RB1: variants seen among roughly 807,000 people sequenced by gnomAD.
RB1 encodes the protein retinoblastoma-associated protein.
In RB1, 18 loss-of-function variants were observed where a neutral mutation model predicts 135.4. The ratio of observed to expected loss-of-function variants is 0.13; its 90% CI spans 0.09 to 0.20. RB1 has a LOEUF of 0.20. Among genes scored for constraint, RB1 ranks in the 10% least tolerant of loss-of-function variants. The pLI, the probability that RB1 is intolerant of heterozygous loss-of-function variation, is 1.00. For missense variants in RB1, 868 were observed against 1,110.0 expected, an observed-to-expected ratio of 0.78 and a Z score of 3.10; for synonymous variants, 365 against 373.2, an observed-to-expected ratio of 0.98 and a Z score of 0.25.
intron 8 of RB1, 122 bp from the exon 9 acceptor site, chr13:48,364,772 T>C (rs1952677980): frequency 8.7e-7 from 1 of 1,144,358 alleles, no homozygotes; most frequent in Admixed American, 3.1e-5. Context: ...AAAAAAGTTA[T>C]ACACAGATTT....
chr13:48,311,841 G>A (rs1024490044), intron 2 of RB1, among the ~76,000 whole-genome samples: 1 of 152,194 alleles, frequency 6.6e-6, no homozygotes, highest in Non-Finnish European at 1.5e-5. Context: ...GAGTAGCTGG[G>A]ATTATAGGCA....
rs945780336 is a variant in RB1, at chr13:48,481,583, A to G, written c.*1512A>G. 4.3e-6 allele frequency: 1 copy of G among 230,784 alleles called. No homozygotes were observed. Among genetic ancestry groups the G allele is most frequent in the African/African-American group, 2.2e-5 (1 of 45,310 alleles). The allele number at this position is 230,784 out of a possible 1,614,324, so 14.3% of individuals were successfully genotyped here. ...TATTTTGACAGTTATTTTGATAACA[A>G]TGACACTAGAAAACTTGACTCCATT... On this transcript the variant is annotated 3_prime_UTR_variant, in exon 27 of 27. Coordinates refer to ENST00000267163, the MANE Select transcript of RB1 (RefSeq NM_000321.3).
At chr13:48,397,153 C>T (rs1948655252) in intron 17 of RB1, among the ~76,000 whole-genome samples, 1 of 151,980 alleles carries the variant, frequency 6.6e-6, no homozygotes, top group Non-Finnish European at 1.5e-5. Flanking sequence ...GAGCATATAC[C>T]CAAAGGATTA....
In RB1 at chr13:48,465,316, T is replaced by C. The variant is rs2138346011; in HGVS notation, c.2437T>C (p.Tyr813His). The C allele has an allele frequency of 6.2e-7, 1 of 1,611,476 alleles. No individual in the cohort carries two copies. Residue 813 changes from tyrosine (Y) to histidine (H), a missense_variant, in exon 23 of 27, where the codon TAT (tyrosine) becomes CAT (histidine). Tyr to His is a moderately conservative substitution (Grantham distance 83). Coordinates refer to ENST00000267163, the MANE Select transcript of RB1 (RefSeq NM_000321.3). ...CTATATTTCACCCCTGAAGAGTCCA[T>C]ATAAAATTTCAGAAGGTCTGCCAAC... ...NIYISPLKSP[Y>H]KISEGLPTPT... is the part of the protein sequence containing the mutation.
intron 17 of RB1, among the ~76,000 whole-genome samples, chr13:48,417,495 A>G (rs1387567550): frequency 3.3e-5 from 5 of 152,202 alleles, no homozygotes; most frequent in South Asian, 4.1e-4. Context: ...AAGGCTGACA[A>G]TTCCAAAAAC....
At chr13:48,310,158 G>T (rs1180102731) in intron 2 of RB1, among the ~76,000 whole-genome samples, 2 of 152,046 alleles carry the variant, frequency 1.3e-5, no homozygotes, top group African/African-American at 4.8e-5. Context: ...ACGTTTTTGA[G>T]GTTTGGCCTG....
chr13:48,409,548 G>C (rs1593477580), intron 17 of RB1, among the ~76,000 whole-genome samples: 1 of 122,700 alleles, frequency 8.1e-6, no homozygotes, highest in Non-Finnish European at 1.7e-5. Context: ...TTCTTTTTTA[G>C]TTAACTTTGG....
intron 17 of RB1, among the ~76,000 whole-genome samples, chr13:48,384,620 G>A (rs969921064): frequency 3.3e-5 from 5 of 152,106 alleles, no homozygotes; most frequent in Admixed American, 2.0e-4. Flanking sequence ...CGTTAAAACT[G>A]TAGATTGATA....
At chr13:48,443,478 TAA>T (rs987612078) in intron 17 of RB1, among the ~76,000 whole-genome samples, 1 of 152,188 alleles carries the variant, frequency 6.6e-6, no homozygotes, top group Admixed American at 6.5e-5. Flanking sequence ...CTAAAATAGC[TAA>T]GTTTTCTGAT....
At chr13:48,455,172 A>G (rs1269195009) in intron 18 of RB1, among the ~76,000 whole-genome samples, 1 of 152,208 alleles carries the variant, frequency 6.6e-6, no homozygotes, top group East Asian at 1.9e-4. Flanking sequence ...GGATTTCAGG[A>G]ATTTGGAAAA....
At chr13:48,353,839 CAT>C (rs749572932) in intron 6 of RB1, among the ~76,000 whole-genome samples, 4 of 152,100 alleles carry the variant, frequency 2.6e-5, no homozygotes, top group Non-Finnish European at 5.9e-5. Flanking sequence ...GGACAAAAAT[CAT>C]ATGATCATTT....
chr13:48,317,526 C>T (rs1180537339), intron 2 of RB1: 3 of 441,640 alleles, frequency 6.8e-6, no homozygotes, highest in Non-Finnish European at 1.2e-5. Context: ...CACCTCCGGC[C>T]TCGGTGCCCG....
intron 2 of RB1, among the ~76,000 whole-genome samples, chr13:48,321,095 A>G (rs1314733451): frequency 6.6e-6 from 1 of 151,708 alleles, no homozygotes; most frequent in Non-Finnish European, 1.5e-5. Flanking sequence ...TTTTAAATAG[A>G]CTTTTGACTC....
intron 20 of RB1, among the ~76,000 whole-genome samples, 161 bp downstream of exon 20, chr13:48,459,994 G>A (rs1175003896): frequency 2.1e-5 from 2 of 94,724 alleles, no homozygotes; most frequent in African/African-American, 7.4e-5. Context: ...TTTTGAGATA[G>A]AGTCTCACTC....
In RB1 at chr13:48,349,027, A is replaced by G. The variant is rs767382241; in HGVS notation, c.607+4A>G. 2 of 1,592,542 alleles carry G rather than the reference A, an allele frequency of 1.3e-6. No individual in the cohort carries two copies. Among genetic ancestry groups the G allele is most frequent in the Non-Finnish European group, 1.7e-6 (2 of 1,166,636 alleles). On this transcript the variant is annotated splice_donor_region_variant and intron_variant, in intron 6 of 26. Coordinates refer to ENST00000267163, the MANE Select transcript of RB1 (RefSeq NM_000321.3). ...ATCACATTTTTATTAGCTAAAGGTA[A>G]GTTCATTATATTTATTAAATGCTAA...
At chr13:48,359,078 A>G (rs976083457) in intron 6 of RB1, among the ~76,000 whole-genome samples, 10 of 152,256 alleles carry the variant, frequency 6.6e-5, no homozygotes, top group Non-Finnish European at 1.2e-4. Context: ...TCAGATACTC[A>G]GAAAATAGAA....
At chr13:48,385,172 A>G (rs981951222) in intron 17 of RB1, among the ~76,000 whole-genome samples, 1 of 152,086 alleles carries the variant, frequency 6.6e-6, no homozygotes, top group Non-Finnish European at 1.5e-5. Context: ...GACTCTTCCT[A>G]TTGATCTCTC....
chr13:48,470,652 G>A (rs1450907221), intron 23 of RB1, among the ~76,000 whole-genome samples: 1 of 19,930 alleles, frequency 5.0e-5, no homozygotes, highest in Non-Finnish European at 3.0e-4. Flanking sequence ...GAAAATTTTC[G>A]CAACCTACTC....
intron 20 of RB1, 98 bp downstream of exon 20, chr13:48,459,931 T>C: frequency 2.0e-6 from 1 of 489,078 alleles, no homozygotes; most frequent in Non-Finnish European, 3.5e-6. Flanking sequence ...CTTTCTTTCT[T>C]TCTTTCTTTC....
Sources: allele counts gnomAD v4.1 joint callset (sites outside exome capture counted in the v4.1 genomes callset), GRCh38; gene constraint gnomAD v4.1.1; transcripts MANE v1.5; gene names NCBI Gene and HGNC (gene_info 2026-07-23, HGNC 2026-07-21).